The following ATP2B2 variants were observed in gnomAD, a reference collection of about 807,000 sequenced individuals.
ATP2B2 encodes plasma membrane calcium-transporting ATPase 2.
ATP2B2 carries 15 observed loss-of-function variants against 120.0 expected under a neutral mutation model. That is an observed-to-expected ratio of 0.12 (90% CI 0.08 to 0.19). The LOEUF (loss-of-function observed/expected upper bound fraction) is 0.19, where lower values mean the gene tolerates loss of function less well. Ranked by LOEUF, ATP2B2 falls within the 10% of genes least tolerant of loss-of-function variation. The pLI is 1.00. For missense variants in ATP2B2, 1,045 were observed against 1,719.8 expected (o/e 0.61, Z 6.94); for synonymous variants, 694 against 700.3 (o/e 0.99, Z 0.14).
intron 2 of ATP2B2, among the ~76,000 whole-genome samples, chr3:10,442,966 C>G (rs1417068189): frequency 6.6e-6 from 1 of 152,214 alleles, no homozygotes; most frequent in African/African-American, 2.4e-5. Flanking sequence ...CGTCCCACAG[C>G]TGGATAAGAA....
intron 1 of ATP2B2, among the ~76,000 whole-genome samples, chr3:10,468,831 C>T (rs751174029): frequency 2.6e-5 from 4 of 152,230 alleles, no homozygotes; most frequent in Non-Finnish European, 4.4e-5. Flanking sequence ...GTCAGCCTGA[C>T]GTACTCATGG....
intron 3 of ATP2B2, among the ~76,000 whole-genome samples, chr3:10,521,064 T>C (rs1261989494): frequency 1.3e-5 from 2 of 152,182 alleles, no homozygotes; most frequent in Non-Finnish European, 2.9e-5. Flanking sequence ...TCGTGCAAGG[T>C]AAATGGATAT....
intron 3 of ATP2B2, among the ~76,000 whole-genome samples, chr3:10,529,752 T>C (rs2067171853): frequency 6.6e-6 from 1 of 152,150 alleles, no homozygotes; most frequent in Non-Finnish European, 1.5e-5. Flanking sequence ...CAGAGGGTGT[T>C]TACAGAGGTG....
chr3:10,692,878 T>C (rs976450885), intron 1 of ATP2B2, among the ~76,000 whole-genome samples: 22 of 137,896 alleles, frequency 1.6e-4, no homozygotes, highest in African/African-American at 5.5e-4. Flanking sequence ...CACTGGGGGA[T>C]TCCTATGTGG....
intron 1 of ATP2B2, among the ~76,000 whole-genome samples, chr3:10,703,241 A>G (rs2125721376): frequency 1.3e-5 from 2 of 152,264 alleles, no homozygotes; most frequent in East Asian, 3.9e-4. Context: ...ATGGGCTACA[A>G]TCAGCGTCTC....
chr3:10,345,990 C>G (rs1233959416), intron 17 of ATP2B2, 41 bp downstream of exon 17: 1 of 1,570,660 alleles, frequency 6.4e-7, no homozygotes, highest in South Asian at 1.1e-5. Flanking sequence ...TCCAATCTCC[C>G]CAGCCCCCAC....
intron 6 of ATP2B2, 185 bp downstream of exon 6, chr3:10,388,092 C>A (rs1575089574): frequency 1.3e-6 from 1 of 789,108 alleles, no homozygotes; most frequent in Non-Finnish European, 2.1e-6. Flanking sequence ...TGGGACAAGA[C>A]CTGGAGATGG....
intron 3 of ATP2B2, among the ~76,000 whole-genome samples, chr3:10,512,682 G>A (rs748123896): frequency 2.6e-5 from 4 of 152,204 alleles, no homozygotes; most frequent in Non-Finnish European, 4.4e-5. Flanking sequence ...CAGAGGGGCT[G>A]CGGGCTCACT....
intron 2 of ATP2B2, among the ~76,000 whole-genome samples, chr3:10,545,921 G>A (rs550569898): frequency 2.6e-5 from 4 of 152,174 alleles, no homozygotes; most frequent in African/African-American, 9.7e-5. Flanking sequence ...GTAGAGAACT[G>A]AAATGATATA....
At chr3:10,552,062 CTG>C (rs1485254979) in intron 2 of ATP2B2, among the ~76,000 whole-genome samples, 2 of 152,270 alleles carry the variant, frequency 1.3e-5, no homozygotes, top group Non-Finnish European at 2.9e-5. Flanking sequence ...AGGAACCTCA[CTG>C]TGCCTATCCT....
At chr3:10,700,227 G>A (rs373767890) in intron 1 of ATP2B2, among the ~76,000 whole-genome samples, 170 of 151,920 alleles carry the variant, frequency 1.1e-3, no homozygotes, top group African/African-American at 3.9e-3. Context: ...AAGCTCTATT[G>A]GTAACAAACT....
intron 2 of ATP2B2, among the ~76,000 whole-genome samples, chr3:10,447,686 G>A (rs1165422795): frequency 3.9e-5 from 6 of 152,202 alleles, no homozygotes; most frequent in Admixed American, 3.3e-4. Context: ...AGGGGAGCAC[G>A]GACCATTCTG....
chr3:10,670,758 T>C (rs1226999681), intron 1 of ATP2B2, among the ~76,000 whole-genome samples: 1 of 152,206 alleles, frequency 6.6e-6, no homozygotes, highest in African/African-American at 2.4e-5. Context: ...GATGTTCGTG[T>C]GGAAGAAGGC....
At chr3:10,477,464 A>G (rs1268241029) in intron 1 of ATP2B2, among the ~76,000 whole-genome samples, 1 of 152,182 alleles carries the variant, frequency 6.6e-6, no homozygotes, top group Non-Finnish European at 1.5e-5. Flanking sequence ...GTGCATCCTC[A>G]TTGTTGCACA....
chr3:10,606,785 C>T (rs2069079417), intron 2 of ATP2B2, among the ~76,000 whole-genome samples: 1 of 151,920 alleles, frequency 6.6e-6, no homozygotes, highest in South Asian at 2.1e-4. Context: ...ATACTCCTAT[C>T]CATTCCTCCC....
intron 3 of ATP2B2, 131 bp downstream of exon 3, chr3:10,410,487 G>T: frequency 8.4e-7 from 1 of 1,194,502 alleles, no homozygotes; most frequent in South Asian, 1.5e-5. Context: ...CTATGGGTGG[G>T]GCCCTGCCCC....
chr3:10,432,383 A>G (rs1279821421), intron 2 of ATP2B2, among the ~76,000 whole-genome samples: 2 of 152,320 alleles, frequency 1.3e-5, no homozygotes, highest in East Asian at 3.9e-4. Context: ...CAGAGATGGT[A>G]CTTGTTAGAC....
At chr3:10,403,075 C>T (rs1171674740) in intron 3 of ATP2B2, among the ~76,000 whole-genome samples, 1 of 150,456 alleles carries the variant, frequency 6.6e-6, no homozygotes, top group East Asian at 1.9e-4. Context: ...TCTAATCCTG[C>T]TGCTGCCTCT....
chr3:10,638,307 T>C (rs557926426), intron 1 of ATP2B2, among the ~76,000 whole-genome samples: 1 of 152,122 alleles, frequency 6.6e-6, no homozygotes, highest in African/African-American at 2.4e-5. Flanking sequence ...AAGTATGGTG[T>C]TTAAAATACA....
Sources: allele counts gnomAD v4.1 joint callset (sites outside exome capture counted in the v4.1 genomes callset), GRCh38; gene constraint gnomAD v4.1.1; transcripts MANE v1.5; gene names NCBI Gene and HGNC (gene_info 2026-07-23, HGNC 2026-07-21).